The following ANKS1B variants were observed in gnomAD, a reference collection of about 807,000 sequenced individuals.
ANKS1B encodes ankyrin repeat and sterile alpha motif domain containing 1B, also known as ankyrin repeat and sterile alpha motif domain-containing protein 1B.
Under a neutral mutation model 148.3 loss-of-function variants are expected in ANKS1B, and 36 were observed. The observed-to-expected ratio is 0.24, with a 90% CI of 0.19 to 0.32. The LOEUF is 0.32. Among genes scored for constraint, ANKS1B ranks in the 10% least tolerant of loss-of-function variants. The pLI is 1.00. For synonymous variants in ANKS1B, 542 were observed against 560.8 expected (o/e 0.97, Z 0.47); for missense variants, 1,157 against 1,542.6 (o/e 0.75, Z 4.19).
At chr12:98,816,380 C>T (rs1428690825) in intron 19 of ANKS1B, among the ~76,000 whole-genome samples, 2 of 152,178 alleles carry the variant, frequency 1.3e-5, no homozygotes, top group African/African-American at 4.8e-5. Context: ...ACTGCAACCT[C>T]CACCTCCTAG....
intron 17 of ANKS1B, among the ~76,000 whole-genome samples, chr12:99,050,073 T>C (rs1452892597): frequency 6.6e-6 from 1 of 152,212 alleles, no homozygotes; most frequent in Non-Finnish European, 1.5e-5. Context: ...TCAAGGTGAC[T>C]GTACATTCCC....
At chr12:99,443,457 A>C (rs2095583447) in intron 11 of ANKS1B, among the ~76,000 whole-genome samples, 1 of 152,032 alleles carries the variant, frequency 6.6e-6, no homozygotes. Context: ...TTCATGTAAC[A>C]GGCACAATTC....
chr12:99,101,511 A>G (rs2057931031), intron 15 of ANKS1B, among the ~76,000 whole-genome samples: 1 of 152,214 alleles, frequency 6.6e-6, no homozygotes, highest in African/African-American at 2.4e-5. Context: ...ATGGTTAAGG[A>G]GTCAGGTGAG....
intron 9 of ANKS1B, among the ~76,000 whole-genome samples, chr12:99,568,871 A>G (rs2097423689): frequency 6.6e-6 from 1 of 152,234 alleles, no homozygotes; most frequent in East Asian, 1.9e-4. Flanking sequence ...TCTGGAAGAA[A>G]TATGAATAGA....
chr12:99,441,059 C>G (rs1594847856), intron 11 of ANKS1B, among the ~76,000 whole-genome samples: 1 of 151,808 alleles, frequency 6.6e-6, no homozygotes, highest in South Asian at 2.1e-4. Context: ...GTGAAATTAT[C>G]ATTTCAATCA....
chr12:99,186,367 C>T (rs975137834), intron 14 of ANKS1B, among the ~76,000 whole-genome samples: 12 of 152,124 alleles, frequency 7.9e-5, no homozygotes, highest in South Asian at 2.1e-4. Flanking sequence ...GCAGATCTCC[C>T]GGCACATTGA....
intron 5 of ANKS1B, 72 bp from the exon 6 acceptor site, chr12:99,780,044 C>G (rs116442602): frequency 0.12 from 131,224 of 1,090,510 alleles, 8,985 homozygotes; most frequent in Middle Eastern, 0.16. Context: ...CACTATCTAA[C>G]TGCTGTAATT....
chr12:99,114,738 C>T (rs973147793), intron 15 of ANKS1B, among the ~76,000 whole-genome samples: 17 of 150,844 alleles, frequency 1.1e-4, no homozygotes, highest in Admixed American at 8.6e-4. Context: ...GGTGACAGAG[C>T]GAGACTCTGT....
chr12:99,094,550 G>C (rs1469639451), intron 15 of ANKS1B, among the ~76,000 whole-genome samples: 1 of 152,154 alleles, frequency 6.6e-6, no homozygotes, highest in African/African-American at 2.4e-5. Flanking sequence ...AAGTCTCTCT[G>C]AGAAAGTGAC....
In ANKS1B at chr12:99,428,743, A is replaced by G. The variant is rs1423915622; in HGVS notation, c.1575+14930T>C. 2.0e-5 allele frequency among the ~76,000 whole-genome samples: 3 copies of G among 152,182 alleles called. 1 individual carries two copies. In the South Asian group the frequency reaches 6.2e-4, roughly 32 times the overall value. Reference sequence around the variant, plus strand: ...TGAGAACAGTGACATCCCAGTAGCAATTAATATACGTAGTGCCTAAATCTT... The same window carrying G: ...TGAGAACAGTGACATCCCAGTAGCAGTTAATATACGTAGTGCCTAAATCTT... On this transcript the variant is annotated intron_variant, in intron 11 of 26. Coordinates refer to ENST00000683438, the MANE Select transcript of ANKS1B (RefSeq NM_001352186.2).
chr12:98,862,448 A>G (rs945691568), intron 17 of ANKS1B, among the ~76,000 whole-genome samples: 3 of 152,210 alleles, frequency 2.0e-5, no homozygotes, highest in African/African-American at 7.2e-5. Flanking sequence ...TGAACACTCA[A>G]TGTAGCTAAC....
At chr12:99,530,244 TTTAGGCCCTTGGCAGTGTAGGC>T (rs1273925150) in intron 9 of ANKS1B, among the ~76,000 whole-genome samples, 9 of 152,214 alleles carry the variant, frequency 5.9e-5, no homozygotes, top group African/African-American at 1.9e-4. Flanking sequence ...CAGATACTGG[TTTAGGCCCTTGGCAGTGTAGGC>T]TTCCTACTCC....
intron 25 of ANKS1B, among the ~76,000 whole-genome samples, chr12:98,756,506 A>C (rs565978709): frequency 6.7e-6 from 1 of 149,174 alleles, no homozygotes; most frequent in East Asian, 2.0e-4. Flanking sequence ...TGAGGTCAGG[A>C]GTTCAAGACC....
At chr12:99,606,452 G>A (rs1363530702) in intron 9 of ANKS1B, among the ~76,000 whole-genome samples, 5 of 151,758 alleles carry the variant, frequency 3.3e-5, no homozygotes, top group Non-Finnish European at 2.9e-5. Flanking sequence ...AGCAAACTTT[G>A]TGAACTGTCT....
At chr12:99,826,019 A>G (rs2083141761) in intron 1 of ANKS1B, among the ~76,000 whole-genome samples, 2 of 151,170 alleles carry the variant, frequency 1.3e-5, no homozygotes, top group African/African-American at 4.8e-5. Context: ...AAAAGAGTCT[A>G]TTTTTTTTTT....
chr12:99,188,019 C>CA lies in ANKS1B; in HGVS notation c.2420-33625dup, dbSNP rs1002900624. ...GAATATTTACCAAGCAAATGGAAAG[C>CA]AAAAAAAAAAGCAGGGGTTGCAATC... On this transcript the variant is annotated intron_variant, in intron 14 of 26. Coordinates refer to ENST00000683438, the MANE Select transcript of ANKS1B (RefSeq NM_001352186.2). Among the ~76,000 whole-genome samples, 358 of 140,542 alleles carry CA rather than the reference C, an allele frequency of 2.5e-3. 1 individual carries two copies. The highest frequency in any genetic ancestry group is 4.1e-3 in the South Asian group (18 of 4,390). The allele number at this position is 140,542 out of a possible 152,430, so 92.2% of individuals were successfully genotyped here.
intron 14 of ANKS1B, among the ~76,000 whole-genome samples, chr12:99,161,814 G>T (rs2153830545): frequency 6.6e-6 from 1 of 152,246 alleles, no homozygotes; most frequent in African/African-American, 2.4e-5. Flanking sequence ...AATTACTGGA[G>T]TCTAATATCT....
intron 12 of ANKS1B, among the ~76,000 whole-genome samples, chr12:99,275,238 G>A (rs959271662): frequency 6.6e-6 from 1 of 151,716 alleles, no homozygotes; most frequent in Non-Finnish European, 1.5e-5. Context: ...TAAAATGTAC[G>A]ATAAATTAAT....
chr12:98,800,534 A>G (rs1053643859), intron 21 of ANKS1B, among the ~76,000 whole-genome samples: 3 of 149,610 alleles, frequency 2.0e-5, no homozygotes, highest in African/African-American at 7.3e-5. Flanking sequence ...CTAAACAACT[A>G]ACCTAAACTA....
Sources: gnomAD v4.1 joint callset for allele counts (sites outside exome capture counted in the v4.1 genomes callset) on GRCh38, gnomAD v4.1.1 for gene constraint, MANE v1.5 for transcripts, NCBI Gene and HGNC (gene_info 2026-07-23, HGNC 2026-07-21) for gene names.